The following PIWIL2 variants were observed in gnomAD, a reference collection of about 807,000 sequenced individuals.
The protein encoded by PIWIL2 is piwi-like protein 2.
In PIWIL2, 81 loss-of-function variants were observed where a neutral mutation model predicts 116.5. That is an observed-to-expected ratio of 0.70 (90% CI 0.58 to 0.84). PIWIL2 has a LOEUF of 0.84. Ranked by LOEUF, PIWIL2 falls within the 40% of genes least tolerant of loss-of-function variation. The pLI, the probability that PIWIL2 is intolerant of heterozygous loss-of-function variation, is 0.00. For synonymous variants in PIWIL2, 489 were observed against 429.5 expected (o/e 1.14, Z -1.71); for missense variants, 1,272 against 1,212.3 (o/e 1.05, Z -0.73).
intron 10 of PIWIL2, among the ~76,000 whole-genome samples, chr8:22,295,788 TTCA>T (rs1359967966): frequency 6.6e-6 from 1 of 152,174 alleles, no homozygotes; most frequent in African/African-American, 2.4e-5. Flanking sequence ...AGCTTTTCTT[TTCA>T]TCACCCAGGA....
intron 7 of PIWIL2, among the ~76,000 whole-genome samples, chr8:22,288,298 C>CA (rs5890028): frequency 0.072 from 7,348 of 102,068 alleles, 366 homozygotes; most frequent in Admixed American, 0.1. Context: ...ACTCTGTCTC[C>CA]AAAAAAAAAA....
intron 20 of PIWIL2, among the ~76,000 whole-genome samples, chr8:22,339,644 T>C (rs1425826626): frequency 6.6e-6 from 1 of 152,122 alleles, no homozygotes; most frequent in Non-Finnish European, 1.5e-5. Flanking sequence ...TTGATGAAAA[T>C]TAAAACCTTT....
In PIWIL2 at chr8:22,287,558, C is replaced by T. The variant is rs73225895; in HGVS notation, c.774C>T (p.Phe258=). ...ATGTGGAGTGCAAAAGCATGAGGTTCGGCATGTTGAAGGACCATCAAGCTG... is the reference window on the plus strand; with the variant it reads ...ATGTGGAGTGCAAAAGCATGAGGTTTGGCATGTTGAAGGACCATCAAGCTG... ...SPNVECKSMR[F]GMLKDHQAVT... is the part of the protein sequence containing the mutation. The change falls in exon 7 of 23, where the codon TTC becomes TTT. Residue 258 remains phenylalanine (F), a synonymous_variant. Coordinates refer to ENST00000356766, the MANE Select transcript of PIWIL2 (RefSeq NM_018068.5). 12 of 1,613,328 alleles carry T rather than the reference C, an allele frequency of 7.4e-6. No individual in the cohort carries two copies. The highest frequency in any genetic ancestry group is 1.3e-5 in the African/African-American group (1 of 75,018).
In PIWIL2 at chr8:22,353,035, A is replaced by G. The variant is rs371125510; in HGVS notation, c.2480A>G (p.Asn827Ser). 2.5e-6 allele frequency: 4 copies of G among 1,613,886 alleles called. No individual in the cohort carries two copies. The Admixed American group carries it at 5.0e-5, about 20-fold the overall frequency. The change falls in exon 21 of 23, where the codon AAC becomes AGC. Residue 827 changes from asparagine (N) to serine (S), a missense_variant. Asn to Ser is a conservative substitution (Grantham distance 46). Coordinates refer to ENST00000356766, the MANE Select transcript of PIWIL2 (RefSeq NM_018068.5). ...VSDGQLKTVANYEIPQLQKCF... is the reference protein window; with the variant it reads ...VSDGQLKTVASYEIPQLQKCF... ...GATGGCCAACTGAAGACAGTTGCCA[A>G]CTATGAGATTCCTCAACTACAGAAG...
chr8:22,310,119 A>G (rs1234656473), intron 15 of PIWIL2, 45 bp downstream of exon 15: 1 of 1,004,006 alleles, frequency 1.0e-6, no homozygotes, highest in Non-Finnish European at 1.6e-6. Flanking sequence ...GTATTCCCCA[A>G]AGTGTGGGAA....
At chr8:22,281,345 A>G in intron 3 of PIWIL2, 32 bp from the exon 4 acceptor site, 1 of 1,595,692 alleles carries the variant, frequency 6.3e-7, no homozygotes, top group Non-Finnish European at 8.5e-7. Flanking sequence ...TTTAAGTCAT[A>G]GTCATTGCTG....
chr8:22,319,394 A>G (rs1283896416), intron 20 of PIWIL2, among the ~76,000 whole-genome samples: 4 of 152,020 alleles, frequency 2.6e-5, no homozygotes, highest in South Asian at 2.1e-4. Flanking sequence ...TGTTGTTCTA[A>G]TTGTTTTCCT....
intron 4 of PIWIL2, among the ~76,000 whole-genome samples, chr8:22,282,074 C>CTTTTT (rs397963368): frequency 0.036 from 3,202 of 88,742 alleles, 112 homozygotes; most frequent in Admixed American, 0.056. Flanking sequence ...TGTGCGTGGA[C>CTTTTT]TTTTTTTTTT....
chr8:22,316,813 T>C (rs185930064), intron 19 of PIWIL2, among the ~76,000 whole-genome samples: 10 of 151,912 alleles, frequency 6.6e-5, no homozygotes, highest in East Asian at 1.9e-4. Context: ...TTTTTTTTTT[T>C]TGAGACTGGG....
chr8:22,316,658 T>A (rs565445790), intron 19 of PIWIL2, among the ~76,000 whole-genome samples: 1 of 152,130 alleles, frequency 6.6e-6, no homozygotes, highest in African/African-American at 2.4e-5. Flanking sequence ...ATTTTTGTAT[T>A]TTTAGTAGAG....
intron 20 of PIWIL2, among the ~76,000 whole-genome samples, chr8:22,340,202 G>A (rs908069834): frequency 3.9e-5 from 6 of 151,910 alleles, no homozygotes; most frequent in Non-Finnish European, 8.8e-5. Flanking sequence ...ACAGACATGT[G>A]CCACCATGCC....
chr8:22,287,171 T>TGGGAGGTGGAGATTGCA (rs1830646724), intron 6 of PIWIL2, among the ~76,000 whole-genome samples: 1 of 151,974 alleles, frequency 6.6e-6, no homozygotes, highest in Non-Finnish European at 1.5e-5. Flanking sequence ...CACTTGAACT[T>TGGGAGGTGGAGATTGCA]GGGAGGTGGA....
chr8:22,285,139 A>G (rs1830601416), intron 6 of PIWIL2, among the ~76,000 whole-genome samples: 1 of 152,168 alleles, frequency 6.6e-6, no homozygotes, highest in Admixed American at 6.5e-5. Context: ...GCTGTTGTTA[A>G]CTATGGTTAC....
At position 22,351,440 on chromosome 8, in the gene PIWIL2, C is replaced by CATATATATATATATAT. The variant is rs71544885; in HGVS notation, c.2404-1491_2404-1476dup. Reference sequence around the variant, plus strand: ...ACCTGTAAGGAACAGTGCATACATACATATATATATATATATATATATATA... The same window carrying CATATATATATATATAT: ...ACCTGTAAGGAACAGTGCATACATACATATATATATATATATATATATATATATATATATATATATA... On this transcript the variant is annotated intron_variant, in intron 20 of 22. Transcript: ENST00000356766. 1.9e-3 allele frequency among the ~76,000 whole-genome samples: 103 copies of CATATATATATATATAT among 52,836 alleles called. 4 individuals carry two copies. Among genetic ancestry groups the CATATATATATATATAT allele is most frequent in the South Asian group, 4.0e-3 (3 of 752 alleles). 34.7% of individuals were successfully genotyped at this position (52,836 alleles called of 152,430 possible).
intron 6 of PIWIL2, among the ~76,000 whole-genome samples, chr8:22,286,197 A>G (rs1563350767): frequency 6.6e-6 from 1 of 152,192 alleles, no homozygotes; most frequent in African/African-American, 2.4e-5. Flanking sequence ...GGGTGTTGTG[A>G]TCTTCTAGCA....
At chr8:22,331,623 C>A (rs1473701856) in intron 20 of PIWIL2, among the ~76,000 whole-genome samples, 2 of 152,114 alleles carry the variant, frequency 1.3e-5, no homozygotes, top group African/African-American at 4.8e-5. Flanking sequence ...AAACTCAGTA[C>A]ATGGGTGTAT....
At chr8:22,309,931 C>A in intron 14 of PIWIL2, 30 bp from the exon 15 acceptor site, 1 of 1,318,052 alleles carries the variant, frequency 7.6e-7, no homozygotes, top group Non-Finnish European at 1.1e-6. Flanking sequence ...TGAAAAGGCT[C>A]ATGTCATAGA....
intron 2 of PIWIL2, among the ~76,000 whole-genome samples, chr8:22,280,818 A>G (rs117733835): frequency 7.4e-6 from 1 of 134,612 alleles, no homozygotes; most frequent in Admixed American, 7.9e-5. Context: ...AAATGGAAAA[A>G]TTAACTCTGT....
At chr8:22,344,865 G>A (rs938214338) in intron 20 of PIWIL2, among the ~76,000 whole-genome samples, 3 of 152,152 alleles carry the variant, frequency 2.0e-5, no homozygotes, top group Non-Finnish European at 4.4e-5. Context: ...GACAGAGTAA[G>A]ACCCTTTTAA....
Sources: allele counts gnomAD v4.1 joint callset (sites outside exome capture counted in the v4.1 genomes callset), GRCh38; gene constraint gnomAD v4.1.1; transcripts MANE v1.5; gene names NCBI Gene and HGNC (gene_info 2026-07-23, HGNC 2026-07-21).